The following DCTD variants were observed in gnomAD, a reference collection of about 807,000 sequenced individuals.
DCTD encodes deoxycytidylate deaminase.
In DCTD, 23 loss-of-function variants were observed where a neutral mutation model predicts 21.0. The ratio of observed to expected loss-of-function variants is 1.09; its 90% CI spans 0.79 to 1.55. The LOEUF (loss-of-function observed/expected upper bound fraction) is 1.55. DCTD is among the 40% of genes most tolerant of loss of function. DCTD has a pLI of 0.00. For synonymous variants in DCTD, 71 were observed against 81.1 expected, an observed-to-expected ratio of 0.88 and a Z score of 0.67; for missense variants, 224 against 230.0, an observed-to-expected ratio of 0.97 and a Z score of 0.17.
intron 3 of DCTD, among the ~76,000 whole-genome samples, chr4:182,902,531 G>C (rs1435930249): frequency 6.6e-6 from 1 of 152,218 alleles, no homozygotes; most frequent in African/African-American, 2.4e-5. Context: ...CCTCCTGCCA[G>C]CCTGCTGGAC....
chr4:182,897,123 G>GAATCCA, intron 3 of DCTD, among the ~76,000 whole-genome samples: 1 of 152,148 alleles, frequency 6.6e-6, no homozygotes, highest in East Asian at 1.9e-4. Flanking sequence ...TAACAGTATA[G>GAATCCA]GTCTGGATTC....
chr4:182,912,684 C>A (rs928567093), intron 3 of DCTD, among the ~76,000 whole-genome samples: 1 of 152,134 alleles, frequency 6.6e-6, no homozygotes, highest in Non-Finnish European at 1.5e-5. Flanking sequence ...GTCTCATAAC[C>A]AACAAAATCA....
At chr4:182,907,948 G>C (rs1177269627) in intron 3 of DCTD, among the ~76,000 whole-genome samples, 2 of 151,736 alleles carry the variant, frequency 1.3e-5, no homozygotes, top group Admixed American at 1.3e-4. Context: ...GGATTCTTTC[G>C]TGTGAATATG....
chr4:182,892,627 CAA>C (rs11378889), intron 5 of DCTD, among the ~76,000 whole-genome samples: 16 of 150,042 alleles, frequency 1.1e-4, no homozygotes, highest in African/African-American at 2.2e-4. Context: ...GACTCCGTCT[CAA>C]AAAAAAAAGA....
In DCTD at chr4:182,893,059, G is replaced by C. The variant is rs1478257399; in HGVS notation, c.430C>G (p.Leu144Val). The change falls in exon 5 of 6, where the codon CTG becomes GTG. Residue 144 changes from leucine to valine, a missense_variant. Coordinates refer to ENST00000438320, the MANE Select transcript of DCTD (RefSeq NM_001921.3). The part of the protein sequence containing the change: ...DSDEATAARL[L>V]FNMAGVTFRK... ...AATGTCACCCCGGCCATATTAAACA[G>C]GAGCCTCGCAGCAGTTGCCTCGTCA... is the stretch of plus-strand genomic sequence containing the variant. 6.2e-7 allele frequency: 1 copy of C among 1,612,718 alleles called. No homozygotes were observed. Among genetic ancestry groups the C allele is most frequent in the East Asian group, 2.2e-5 (1 of 44,860 alleles).
At chr4:182,903,240 C>A (rs1736066409) in intron 3 of DCTD, among the ~76,000 whole-genome samples, 1 of 152,180 alleles carries the variant, frequency 6.6e-6, no homozygotes, top group South Asian at 2.1e-4. Flanking sequence ...GGAACCAGGT[C>A]TTCCTGATCA....
Position 182,891,718 on chromosome 4 carries a change from C to T in DCTD, c.459-241G>A, listed in dbSNP as rs75367251. On this transcript the variant is annotated intron_variant, in intron 5 of 5. Coordinates refer to ENST00000438320, the MANE Select transcript of DCTD (RefSeq NM_001921.3). ...GTATGTTTTCAGCTCTCTGAGTTCA[C>T]GAATTATTGGGGAGTCAAAGGATTT... 9.4e-3 allele frequency among the ~76,000 whole-genome samples: 1,424 copies of T among 152,230 alleles called. 15 individuals are homozygous for T. Among genetic ancestry groups the T allele is most frequent in the Non-Finnish European group, 0.014 (954 of 68,024 alleles).
intron 3 of DCTD, among the ~76,000 whole-genome samples, chr4:182,897,579 A>C (rs771803140): frequency 8.3e-4 from 127 of 152,118 alleles, no homozygotes; most frequent in Non-Finnish European, 1.5e-3. Flanking sequence ...TCGGGTACAC[A>C]TGAGACTCTA....
intron 3 of DCTD, among the ~76,000 whole-genome samples, chr4:182,905,045 C>T (rs916984960): frequency 6.6e-6 from 1 of 152,158 alleles, no homozygotes; most frequent in Admixed American, 6.5e-5. Flanking sequence ...AATCCTTTCC[C>T]GTGGCCTTAT....
chr4:182,906,055 C>T (rs1200523971), intron 3 of DCTD, among the ~76,000 whole-genome samples: 1 of 152,114 alleles, frequency 6.6e-6, no homozygotes, highest in African/African-American at 2.4e-5. Flanking sequence ...CCCTCCAAGG[C>T]CCTCGCATCG....
At chr4:182,909,328 AT>A (rs1292072314) in intron 3 of DCTD, among the ~76,000 whole-genome samples, 1 of 152,174 alleles carries the variant, frequency 6.6e-6, no homozygotes, top group East Asian at 1.9e-4. Context: ...CCCTCTGTTT[AT>A]CTGAAACCCC....
chr4:182,891,306 G>A lies in DCTD; in HGVS notation c.*93C>T, dbSNP rs1579642325. 8 of 864,634 alleles carry A rather than the reference G, an allele frequency of 9.3e-6. No homozygotes were observed. The highest frequency in any genetic ancestry group is 1.7e-5 in the African/African-American group (1 of 60,058). The allele number at this position is 864,634 out of a possible 1,614,324, so 53.6% of individuals were successfully genotyped here. A position where few individuals can be genotyped will look rare whatever the true frequency, so the allele number is the denominator to read the frequency against. On this transcript the variant is annotated 3_prime_UTR_variant, in exon 6 of 6. Coordinates refer to ENST00000438320, the MANE Select transcript of DCTD (RefSeq NM_001921.3). ...ATGCCTACTTTTGCCATACTGGCTA[G>A]TAAGAAGTTATGTGTAACTTCAAGA... is the stretch of plus-strand genomic sequence containing the variant.
rs988052636 is a variant in DCTD at position 182,890,588 on chromosome 4, C to T, written c.*811G>A. ...CTCCCATCCACAGCCCCAGCTGCCA[C>T]CACGGCAGGGCATGGGCTTTGGGGG... On this transcript the variant is annotated 3_prime_UTR_variant, in exon 6 of 6. Coordinates refer to ENST00000438320, the MANE Select transcript of DCTD (RefSeq NM_001921.3). The T allele has an allele frequency of 3.9e-5, 6 of 152,352 alleles. No individual in the cohort carries two copies. The highest frequency in any genetic ancestry group is 9.6e-5 in the African/African-American group (4 of 41,580). The allele number at this position is 152,352 out of a possible 1,614,324, so 9.4% of individuals were successfully genotyped here.
At chr4:182,904,613 G>A (rs1469426182) in intron 3 of DCTD, among the ~76,000 whole-genome samples, 1 of 152,058 alleles carries the variant, frequency 6.6e-6, no homozygotes, top group African/African-American at 2.4e-5. Context: ...GGAAGCAACC[G>A]CCCAACTCGA....
chr4:182,899,476 C>G (rs1735341779), intron 3 of DCTD, among the ~76,000 whole-genome samples: 1 of 151,214 alleles, frequency 6.6e-6, no homozygotes, highest in Non-Finnish European at 1.5e-5. Context: ...CGGCTCACTG[C>G]AACCTCTGCC....
chr4:182,897,090 C>A (rs1341158304), intron 3 of DCTD, among the ~76,000 whole-genome samples: 2 of 152,148 alleles, frequency 1.3e-5, no homozygotes, highest in Non-Finnish European at 2.9e-5. Context: ...TCTACTTCAT[C>A]CCAGGCAGTT....
chr4:182,917,094 G>C lies in DCTD; in HGVS notation c.-8+217C>G. On this transcript the variant is annotated intron_variant, in intron 1 of 5. Coordinates refer to ENST00000438320, the MANE Select transcript of DCTD (RefSeq NM_001921.3). This position sits in a 1 kb window ranked among gnomAD's most constrained non-coding sequence, Gnocchi z 4.9. ...TCGCACAGGCCGCGGCGCCCGCCGA[G>C]AAATCGACCCTGGAGTGACTGCGGG... 1 of 987,854 alleles carries C rather than the reference G, an allele frequency of 1.0e-6. No homozygotes were observed. Among genetic ancestry groups the C allele is most frequent in the Non-Finnish European group, 1.2e-6 (1 of 831,832 alleles). 61.2% of individuals were successfully genotyped at this position (987,854 alleles called of 1,614,324 possible). A position where few individuals can be genotyped will look rare whatever the true frequency, so the allele number is the denominator to read the frequency against.
At chr4:182,916,847 C>A in intron 1 of DCTD, 2 of 1,054,012 alleles carry the variant, frequency 1.9e-6, no homozygotes, top group South Asian at 2.4e-5. Context: ...CCTGTGAGGA[C>A]TGAGGCCCAG....
In DCTD at chr4:182,915,052, CG is replaced by C; in HGVS notation, c.114del (p.Ala39ProfsTer4). On this transcript the variant is annotated frameshift_variant, in exon 3 of 6. Coordinates refer to ENST00000438320, the MANE Select transcript of DCTD (RefSeq NM_001921.3). LOFTEE classifies it high-confidence loss of function. ...QRSKDPNSQV[G>X]ACIVNSENKI... ...TTGTTTTCTGAATTCACGATGCAGG[CG>C]CCGACCTAGAAGGAAACATGCCCAA... 2 of 1,614,214 alleles carry C rather than the reference CG, an allele frequency of 1.2e-6. No homozygotes were observed. The highest frequency in any genetic ancestry group is 1.7e-6 in the Non-Finnish European group (2 of 1,180,042).
Sources: gnomAD v4.1 joint callset for allele counts (sites outside exome capture counted in the v4.1 genomes callset) on GRCh38, gnomAD v4.1.1 for gene constraint, Gnocchi (gnomAD v3.1) non-coding constraint, MANE v1.5 for transcripts, NCBI Gene and HGNC (gene_info 2026-07-23, HGNC 2026-07-21) for gene names.